The following PDE11A variants were observed in gnomAD, a reference collection of about 807,000 sequenced individuals.
PDE11A encodes phosphodiesterase 11A, also known as dual 3',5'-cyclic-AMP and -GMP phosphodiesterase 11A.
In PDE11A, 100 loss-of-function variants were observed where a neutral mutation model predicts 100.5. The ratio of observed to expected loss-of-function variants is 1.00; its 90% CI spans 0.85 to 1.18. PDE11A has a LOEUF of 1.18. Among genes scored for constraint, PDE11A ranks in the 50% most tolerant of loss-of-function variants. The pLI, the probability that PDE11A is intolerant of heterozygous loss-of-function variation, is 0.00. For synonymous variants in PDE11A, 381 were observed against 420.8 expected (o/e 0.91, Z 1.16); for missense variants, 1,141 against 1,152.6 (o/e 0.99, Z 0.15).
At chr2:177,868,840 A>T (rs1366423071) in intron 5 of PDE11A, among the ~76,000 whole-genome samples, 1 of 152,204 alleles carries the variant, frequency 6.6e-6, no homozygotes, top group East Asian at 1.9e-4. Flanking sequence ...TCCTAAAGTG[A>T]TCTTTCCTTG....
chr2:177,779,445 G>C (rs983488454), intron 9 of PDE11A, among the ~76,000 whole-genome samples: 22 of 152,186 alleles, frequency 1.4e-4, no homozygotes, highest in Admixed American at 3.3e-4. Flanking sequence ...ACCCACGGTA[G>C]AACTTCTTTC....
intron 17 of PDE11A, among the ~76,000 whole-genome samples, chr2:177,673,003 C>G (rs2080705971): frequency 6.6e-6 from 1 of 152,134 alleles, no homozygotes; most frequent in Non-Finnish European, 1.5e-5. Flanking sequence ...CTCACTGAAG[C>G]CTGTTAGGCC....
At chr2:177,646,539 G>A (rs1574093882) in intron 19 of PDE11A, among the ~76,000 whole-genome samples, 1 of 152,318 alleles carries the variant, frequency 6.6e-6, no homozygotes, top group East Asian at 1.9e-4. Context: ...ACATGGTTAA[G>A]TACACAGCAG....
chr2:178,107,721 CT>C (rs1159976078), intron 1 of PDE11A, among the ~76,000 whole-genome samples: 9,859 of 122,694 alleles, frequency 0.08, 143 homozygotes, highest in Non-Finnish European at 0.11. Flanking sequence ...CTTTTTTTTT[CT>C]TTTTTTTTTT....
At chr2:177,715,930 T>C (rs892196528) in intron 12 of PDE11A, among the ~76,000 whole-genome samples, 4 of 152,196 alleles carry the variant, frequency 2.6e-5, no homozygotes, top group African/African-American at 9.7e-5. Context: ...GAGATTGCTG[T>C]GTCTTATCAC....
intron 9 of PDE11A, among the ~76,000 whole-genome samples, chr2:177,804,485 T>C (rs1048458289): frequency 3.9e-5 from 6 of 151,940 alleles, no homozygotes; most frequent in African/African-American, 7.2e-5. Flanking sequence ...TTGATAGGAA[T>C]TAGTAAATCT....
intron 10 of PDE11A, among the ~76,000 whole-genome samples, chr2:177,765,641 T>C (rs1187615050): frequency 6.6e-6 from 1 of 152,160 alleles, no homozygotes. Context: ...TCGGGAGCAT[T>C]TGATGCACTG....
intron 1 of PDE11A, among the ~76,000 whole-genome samples, chr2:178,028,326 AT>A (rs2086503474): frequency 7.3e-6 from 1 of 137,030 alleles, no homozygotes; most frequent in Non-Finnish European, 1.6e-5. Flanking sequence ...AAATGGGGAC[AT>A]GAATCTCTTG....
intron 4 of PDE11A, among the ~76,000 whole-genome samples, chr2:177,885,493 GT>G (rs1485844379): frequency 6.6e-6 from 1 of 152,096 alleles, no homozygotes; most frequent in African/African-American, 2.4e-5. Flanking sequence ...AACAATAATA[GT>G]TTGGGTAATC....
At chr2:178,006,828 G>GC (rs1559039983) in intron 2 of PDE11A, among the ~76,000 whole-genome samples, 1 of 150,940 alleles carries the variant, frequency 6.6e-6, no homozygotes, top group African/African-American at 2.4e-5. Context: ...AAACAAGGGG[G>GC]GGGGGGGAAG....
intron 2 of PDE11A, among the ~76,000 whole-genome samples, chr2:177,953,775 A>C (rs1478266327): frequency 6.6e-6 from 1 of 152,176 alleles, no homozygotes; most frequent in East Asian, 1.9e-4. Context: ...TGAGGTGAAC[A>C]TGAGGTGAGT....
intron 2 of PDE11A, among the ~76,000 whole-genome samples, chr2:178,094,389 G>T (rs749240557): frequency 2.5e-4 from 38 of 151,760 alleles, no homozygotes; most frequent in Non-Finnish European, 4.6e-4. Context: ...AAAAATGGCC[G>T]GGCATGGTGG....
chr2:177,675,530 AAC>A lies in PDE11A; in HGVS notation c.2424-14_2424-13del. On this transcript the variant is annotated splice_polypyrimidine_tract_variant and intron_variant, in intron 16 of 19. Transcript: ENST00000286063. ...TCATTAACATTGATCTGAAAAACAG[AAC>A]CAAACAAAACAGCCTGAATAATCTT... 6.2e-7 allele frequency: 1 copy of A among 1,607,234 alleles called. No individual in the cohort carries two copies. Among genetic ancestry groups the A allele is most frequent in the Middle Eastern group, 1.7e-4 (1 of 6,054 alleles).
At chr2:177,708,470 T>C (rs2081312501) in intron 13 of PDE11A, among the ~76,000 whole-genome samples, 1 of 152,104 alleles carries the variant, frequency 6.6e-6, no homozygotes, top group Non-Finnish European at 1.5e-5. Flanking sequence ...CAATAGATAC[T>C]GGGGTCTGTT....
intron 1 of PDE11A, among the ~76,000 whole-genome samples, chr2:178,021,108 T>C (rs1435626256): frequency 5.9e-5 from 9 of 152,022 alleles, no homozygotes; most frequent in Admixed American, 1.3e-4. Flanking sequence ...ATTACAGGCA[T>C]GTGCCACCAC....
intron 10 of PDE11A, among the ~76,000 whole-genome samples, chr2:177,738,810 AAAAG>A (rs2081831614): frequency 6.6e-6 from 1 of 152,214 alleles, no homozygotes; most frequent in Admixed American, 6.5e-5. Context: ...ACTAGGCAGA[AAAAG>A]AAGGAAGATA....
intron 4 of PDE11A, among the ~76,000 whole-genome samples, chr2:177,891,290 A>T (rs1349506633): frequency 6.6e-6 from 1 of 152,190 alleles, no homozygotes; most frequent in East Asian, 1.9e-4. Flanking sequence ...GTGACAGAGC[A>T]AGACTCCATC....
At chr2:177,880,291 C>T (rs1288157602) in intron 4 of PDE11A, among the ~76,000 whole-genome samples, 2 of 152,160 alleles carry the variant, frequency 1.3e-5, no homozygotes, top group African/African-American at 2.4e-5. Context: ...CTTTGGGACA[C>T]ATGGTATCAG....
At chr2:178,105,828 T>C (rs2087611252) in intron 1 of PDE11A, 5 of 543,684 alleles carry the variant, frequency 9.2e-6, no homozygotes, top group Non-Finnish European at 1.1e-5. Flanking sequence ...CTTGGCCAGA[T>C]TTCTGCAATA....
Sources: allele counts gnomAD v4.1 joint callset (sites outside exome capture counted in the v4.1 genomes callset), GRCh38; gene constraint gnomAD v4.1.1; transcripts MANE v1.5; gene names NCBI Gene and HGNC (gene_info 2026-07-23, HGNC 2026-07-21).